HDGFL3: variants seen among roughly 807,000 people sequenced by gnomAD.
The protein encoded by HDGFL3 is HDGF like 3.
HDGFL3 carries 6 observed loss-of-function variants against 27.6 expected under a neutral mutation model. The ratio of observed to expected loss-of-function variants is 0.22; its 90% confidence interval spans 0.12 to 0.43. HDGFL3 has a LOEUF of 0.43. Among genes scored for constraint, HDGFL3 ranks in the 20% least tolerant of loss-of-function variants. The probability of loss-of-function intolerance (pLI) is 1.00; values close to 1 mark genes in which losing one functional copy is unlikely to be tolerated. For missense variants in HDGFL3, 207 were observed against 250.1 expected (o/e 0.83, Z 1.16); for synonymous variants, 88 against 88.9 (o/e 0.99, Z 0.05).
At chr15:83,184,925 A>G (rs1055884265) in intron 1 of HDGFL3, 2 of 152,274 alleles carry the variant, frequency 1.3e-5, no homozygotes. Flanking sequence ...CTCGTACAAC[A>G]ACAAACAGTT....
chr15:83,201,734 A>G (rs975707858), intron 1 of HDGFL3, among the ~76,000 whole-genome samples: 8 of 152,194 alleles, frequency 5.3e-5, no homozygotes, highest in Non-Finnish European at 1.5e-5. Context: ...AGAATTCCAA[A>G]GGGGATGTGC....
At chr15:83,127,614 C>T (rs1293801475), downstream of HDGFL3, 1 of 904,128 alleles carries the variant, frequency 1.1e-6, no homozygotes, top group East Asian at 2.6e-5. Context: ...TGCAGTTCTT[C>T]AGAAGACATT....
At position 83,135,433 on chromosome 15, in the gene HDGFL3, A is replaced by G. The variant is rs1164607310; in HGVS notation, c.*3837T>C. ...GTCTTTTGTCTCTTTGATCCTGATG[A>G]ACTGATAATTTACTACTTATTACAT... On this transcript the variant is annotated 3_prime_UTR_variant, in exon 6 of 6. Coordinates refer to ENST00000299633, the MANE Select transcript of HDGFL3 (RefSeq NM_016073.4). The G allele has an allele frequency of 6.6e-6, 1 of 152,174 alleles. No homozygotes were observed. Among genetic ancestry groups the G allele is most frequent in the Non-Finnish European group, 1.5e-5 (1 of 68,028 alleles). The allele number at this position is 152,174 out of a possible 1,614,324, so 9.4% of individuals were successfully genotyped here.
At chr15:83,164,480 AAACTT>A (rs1442356606) in intron 1 of HDGFL3, among the ~76,000 whole-genome samples, 2 of 152,154 alleles carry the variant, frequency 1.3e-5, no homozygotes, top group African/African-American at 4.8e-5. Flanking sequence ...AGAATTATAA[AAACTT>A]AACTTGATGA....
At chr15:83,126,459 T>C (rs1460325131), downstream of HDGFL3, among the ~76,000 whole-genome samples, 1 of 152,196 alleles carries the variant, frequency 6.6e-6, no homozygotes, top group Non-Finnish European at 1.5e-5. Context: ...GTGAAACTCA[T>C]AATTTAAAGC....
chr15:83,136,494 A>T lies in HDGFL3; in HGVS notation c.*2776T>A. ...TAAATGCAACAGGCTCAGTTTTCTCACATTGGTGCATCTCTTCATGCTAGA... is the reference window on the plus strand; with the variant it reads ...TAAATGCAACAGGCTCAGTTTTCTCTCATTGGTGCATCTCTTCATGCTAGA... On this transcript the variant is annotated 3_prime_UTR_variant, in exon 6 of 6. Coordinates refer to ENST00000299633, the MANE Select transcript of HDGFL3 (RefSeq NM_016073.4). 6.3e-7 allele frequency: 1 copy of T among 1,578,930 alleles called. No individual in the cohort carries two copies. The highest frequency in any genetic ancestry group is 2.2e-5 in the East Asian group (1 of 44,666).
chr15:83,190,352 T>A (rs928088534), intron 1 of HDGFL3, among the ~76,000 whole-genome samples: 1 of 152,186 alleles, frequency 6.6e-6, no homozygotes. Context: ...AGTCAGAAAG[T>A]ATGCAAAATC....
At chr15:83,143,062 C>G (rs1729452281) in intron 5 of HDGFL3, among the ~76,000 whole-genome samples, 1 of 152,090 alleles carries the variant, frequency 6.6e-6, no homozygotes, top group Non-Finnish European at 1.5e-5. Flanking sequence ...GTCACCCAGG[C>G]TGGAGTACAG....
intron 2 of HDGFL3, among the ~76,000 whole-genome samples, chr15:83,162,583 T>C (rs2037115079): frequency 6.6e-6 from 1 of 152,188 alleles, no homozygotes; most frequent in African/African-American, 2.4e-5. Flanking sequence ...GAGGAAAACA[T>C]GATCAGTTGC....
chr15:83,127,219 G>GT (rs548386806), downstream of HDGFL3: 110 of 733,738 alleles, frequency 1.5e-4, no homozygotes, highest in South Asian at 1.8e-3. Context: ...AAAAATAAAA[G>GT]TAAAAAAAAA....
Position 83,118,198 on chromosome 15 carries a change from C to T in HDGFL3, c.394-2457G>A, listed in dbSNP as rs191814018. On this transcript the variant is annotated intron_variant, in intron 3 of 3. Coordinates refer to the HDGFL3 transcript ENST00000568294. ...CAATGATCACCACTGCACTCTAGACCGGGTGACAGAGTGAGACCCTGTCTC... is the reference window on the plus strand; with the variant it reads ...CAATGATCACCACTGCACTCTAGACTGGGTGACAGAGTGAGACCCTGTCTC... Among the ~76,000 whole-genome samples, 109 of 151,140 alleles carry T rather than the reference C, an allele frequency of 7.2e-4. 1 individual carries two copies. The highest frequency in any genetic ancestry group is 2.3e-3 in the African/African-American group (94 of 41,220).
chr15:83,160,312 G>A (rs935169758), intron 2 of HDGFL3, among the ~76,000 whole-genome samples: 1 of 151,900 alleles, frequency 6.6e-6, no homozygotes, highest in Admixed American at 6.6e-5. Context: ...TCAGCCTCCT[G>A]AGGACCTGGG....
intron 5 of HDGFL3, among the ~76,000 whole-genome samples, chr15:83,143,332 C>T (rs1349732065): frequency 1.3e-5 from 2 of 152,038 alleles, no homozygotes; most frequent in South Asian, 2.1e-4. Flanking sequence ...CGCCTGTAAT[C>T]GAAGCACTTT....
At chr15:83,164,404 A>C (rs908270835) in intron 1 of HDGFL3, among the ~76,000 whole-genome samples, 1 of 151,440 alleles carries the variant, frequency 6.6e-6, no homozygotes, top group Non-Finnish European at 1.5e-5. Flanking sequence ...AGAATACAAA[A>C]AGATGTACTT....
At chr15:83,122,754 T>C (rs770284156), downstream of HDGFL3, 9 of 1,612,918 alleles carry the variant, frequency 5.6e-6, no homozygotes, top group African/African-American at 1.3e-5. Flanking sequence ...CTCTTTTAAA[T>C]AGGGAAGTAT....
intron 3 of HDGFL3, chr15:83,120,012 A>G (rs1225497333): frequency 8.3e-6 from 2 of 240,540 alleles, no homozygotes; most frequent in Non-Finnish European, 1.6e-5. Context: ...TCCAAACAGC[A>G]ATCTCATTTC....
intron 1 of HDGFL3, among the ~76,000 whole-genome samples, chr15:83,186,577 A>G (rs11852446): frequency 0.25 from 37,891 of 152,200 alleles, 5,063 homozygotes; most frequent in African/African-American, 0.34. Flanking sequence ...AATATCTTCT[A>G]CAGCAACCTG....
At position 83,171,098 on chromosome 15, in the gene HDGFL3, G is replaced by A. The variant is rs576672053; in HGVS notation, c.85-7023C>T. Among the ~76,000 whole-genome samples the A allele has an allele frequency of 5.5e-4, 84 of 152,164 alleles. 1 individual carries two copies. Among genetic ancestry groups the A allele is most frequent in the Non-Finnish European group, 9.7e-4 (66 of 68,020 alleles). On this transcript the variant is annotated intron_variant, in intron 1 of 5. Coordinates refer to ENST00000299633, the MANE Select transcript of HDGFL3 (RefSeq NM_016073.4). The stretch of plus-strand genomic sequence containing the variant: ...AAGTTCTAGGGTACATGTGCACAAC[G>A]TGCAGGTTTGTTACATATGTATACA...
At chr15:83,121,310 G>A (rs886606190) in intron 3 of HDGFL3, among the ~76,000 whole-genome samples, 3 of 150,020 alleles carry the variant, frequency 2.0e-5, no homozygotes, top group Non-Finnish European at 3.0e-5. Context: ...TCAAACTCCT[G>A]ACCTCAAGTG....
Sources: allele counts gnomAD v4.1 joint callset (sites outside exome capture counted in the v4.1 genomes callset), GRCh38; gene constraint gnomAD v4.1.1; transcripts MANE v1.5; gene names NCBI Gene and HGNC (gene_info 2026-07-23, HGNC 2026-07-21).